The following NTM variants were observed in gnomAD, a reference collection of about 807,000 sequenced individuals.
NTM encodes neurotrimin, also known as IgLON family member 2.
A neutral mutation model predicts 42.1 loss-of-function variants in NTM; 13 were observed. The ratio of observed to expected loss-of-function variants is 0.31; its 90% confidence interval spans 0.20 to 0.49. The LOEUF (loss-of-function observed/expected upper bound fraction) is 0.49, where lower values mean the gene tolerates loss of function less well. NTM is among the 20% of genes least tolerant of loss of function. NTM has a pLI of 0.99. For synonymous variants in NTM, 187 were observed against 179.2 expected (o/e 1.04, Z -0.35); for missense variants, 373 against 452.8 (o/e 0.82, Z 1.60).
chr11:131,667,234 C>T (rs2069226696), intron 1 of NTM, among the ~76,000 whole-genome samples: 1 of 152,154 alleles, frequency 6.6e-6, no homozygotes, highest in South Asian at 2.1e-4. Context: ...CTGGCCTCTG[C>T]TTGCTCTCCA....
chr11:132,310,449 CA>C lies in NTM; in HGVS notation c.782+218del, dbSNP rs373607187. ...TGTAGAATTATCACTGGCCAACCAA[CA>C]GATCTGAAAGGTAACTTTTTTTAGG... On this transcript the variant is annotated intron_variant, in intron 6 of 8. Transcript: ENST00000683400. Among the ~76,000 whole-genome samples the C allele has an allele frequency of 4.2e-3, 642 of 152,304 alleles. 4 individuals carry two copies. Among genetic ancestry groups the C allele is most frequent in the African/African-American group, 0.014 (580 of 41,570 alleles).
At chr11:131,661,452 G>A (rs2134469132) in intron 1 of NTM, among the ~76,000 whole-genome samples, 1 of 152,362 alleles carries the variant, frequency 6.6e-6, no homozygotes, top group East Asian at 1.9e-4. Flanking sequence ...TTTCTGGACA[G>A]AAAGGAGGTT....
chr11:132,096,314 C>T (rs1213394587), intron 2 of NTM, among the ~76,000 whole-genome samples: 3 of 152,220 alleles, frequency 2.0e-5, no homozygotes, highest in Non-Finnish European at 2.9e-5. Context: ...AGATTTATTT[C>T]CTAGTGCAAC....
chr11:131,643,419 C>T (rs544918670), intron 1 of NTM, among the ~76,000 whole-genome samples: 10 of 152,156 alleles, frequency 6.6e-5, no homozygotes, highest in Non-Finnish European at 1.3e-4. Flanking sequence ...ACTGTGTACT[C>T]GTCATGTCAG....
At position 131,933,402 on chromosome 11, in the gene NTM, A is replaced by G. The variant is rs148400076; in HGVS notation, c.167+21754A>G. On this transcript the variant is annotated intron_variant, in intron 2 of 8. Coordinates refer to ENST00000683400, the MANE Select transcript of NTM (RefSeq NM_001352005.2). ...CCAAACACCTTGTGTTTCAGCTGGG[A>G]GTTCCATGTGCCTGACCATCTAGTT... Among the ~76,000 whole-genome samples, 446 of 152,300 alleles carry G rather than the reference A, an allele frequency of 2.9e-3. 1 individual carries two copies. Among genetic ancestry groups the G allele is most frequent in the Admixed American group, 6.1e-3 (93 of 15,298 alleles).
intron 7 of NTM, among the ~76,000 whole-genome samples, chr11:132,320,917 C>T (rs1282311908): frequency 1.3e-5 from 2 of 151,462 alleles, no homozygotes. Flanking sequence ...CAGGGCCACA[C>T]TGACACCTCA....
At chr11:131,980,913 A>G (rs747733345) in intron 2 of NTM, among the ~76,000 whole-genome samples, 163 of 152,314 alleles carry the variant, frequency 1.1e-3, no homozygotes, top group Non-Finnish European at 2.0e-3. Flanking sequence ...ATCCGACTCT[A>G]TGTTTATGGG....
chr11:131,391,793 C>A (rs982604124), intron 1 of NTM, among the ~76,000 whole-genome samples: 2 of 152,044 alleles, frequency 1.3e-5, no homozygotes, highest in Non-Finnish European at 1.5e-5. Flanking sequence ...TTACCTAGTG[C>A]CAGCCACCAA....
chr11:131,488,923 A>G (rs923800673), intron 1 of NTM, among the ~76,000 whole-genome samples: 6 of 152,236 alleles, frequency 3.9e-5, no homozygotes, highest in African/African-American at 1.4e-4. Context: ...AAAAAGGCAA[A>G]GAACAGGAAG....
At chr11:131,747,840 G>A (rs532215572) in intron 1 of NTM, among the ~76,000 whole-genome samples, 10 of 152,166 alleles carry the variant, frequency 6.6e-5, no homozygotes, top group Middle Eastern at 3.4e-3. Context: ...TCCCCTCCCC[G>A]TGTTCCTTAG....
intron 2 of NTM, among the ~76,000 whole-genome samples, chr11:132,098,011 G>A (rs1235140909): frequency 2.0e-5 from 3 of 152,212 alleles, no homozygotes; most frequent in Non-Finnish European, 4.4e-5. Context: ...TTCGTGGCAA[G>A]TATTTTGCTG....
intron 1 of NTM, among the ~76,000 whole-genome samples, chr11:131,398,446 G>A (rs1944789637): frequency 6.6e-6 from 1 of 152,078 alleles, no homozygotes; most frequent in Admixed American, 6.6e-5. Flanking sequence ...TTTTCATTAT[G>A]TAGTTATAAT....
At chr11:131,637,835 A>T (rs1326279980) in intron 1 of NTM, among the ~76,000 whole-genome samples, 1 of 152,124 alleles carries the variant, frequency 6.6e-6, no homozygotes, top group Admixed American at 6.5e-5. Context: ...TGTTACAAGG[A>T]TTAGACATTA....
chr11:131,612,601 A>G (rs77185459), intron 1 of NTM, among the ~76,000 whole-genome samples: 4,887 of 152,374 alleles, frequency 0.032, 250 homozygotes, highest in African/African-American at 0.11. Flanking sequence ...ACATGTGCTT[A>G]TTGAGTTAAA....
intron 2 of NTM, among the ~76,000 whole-genome samples, chr11:132,129,623 C>G (rs1305051127): frequency 6.6e-6 from 1 of 152,200 alleles, no homozygotes; most frequent in Non-Finnish European, 1.5e-5. Flanking sequence ...CCTGTGGGCT[C>G]TACCTCAAAG....
intron 1 of NTM, among the ~76,000 whole-genome samples, chr11:131,741,920 T>C (rs939549615): frequency 2.5e-4 from 38 of 152,180 alleles, no homozygotes; most frequent in Non-Finnish European, 2.9e-5. Context: ...TCATGTCCTT[T>C]GCCGGACCAT....
chr11:131,863,491 T>G (rs2046848855), intron 1 of NTM, among the ~76,000 whole-genome samples: 1 of 152,164 alleles, frequency 6.6e-6, no homozygotes, highest in Admixed American at 6.5e-5. Flanking sequence ...TCCAAGTCAC[T>G]CAGCCACTCC....
intron 2 of NTM, among the ~76,000 whole-genome samples, chr11:132,135,766 G>T (rs1293504329): frequency 6.6e-6 from 1 of 152,314 alleles, no homozygotes; most frequent in Non-Finnish European, 1.5e-5. Flanking sequence ...GGGCCGAGGG[G>T]CCTGGGCTGA....
At chr11:131,979,497 G>A (rs918785972) in intron 2 of NTM, among the ~76,000 whole-genome samples, 1 of 152,200 alleles carries the variant, frequency 6.6e-6, no homozygotes, top group Non-Finnish European at 1.5e-5. Context: ...TGGCCAAAGT[G>A]AAGTACAGCC....
Sources: gnomAD v4.1 joint callset for allele counts (sites outside exome capture counted in the v4.1 genomes callset) on GRCh38, gnomAD v4.1.1 for gene constraint, MANE v1.5 for transcripts, NCBI Gene and HGNC (gene_info 2026-07-23, HGNC 2026-07-21) for gene names.